Variants in AQR observed in about 807,000 individuals in gnomAD.
AQR encodes the protein RNA helicase aquarius.
AQR carries 61 observed loss-of-function variants against 180.5 expected under a neutral mutation model. The observed-to-expected ratio is 0.34, with a 90% CI of 0.28 to 0.42. The LOEUF (loss-of-function observed/expected upper bound fraction) is 0.42. Ranked by LOEUF, AQR falls within the 10% of genes least tolerant of loss-of-function variation. AQR has a pLI of 1.00. For synonymous variants in AQR, 551 were observed against 588.8 expected (o/e 0.94, Z 0.93); for missense variants, 1,281 against 1,798.3 (o/e 0.71, Z 5.20).
chr15:34,938,432 C>T (rs1429521948), intron 9 of AQR, among the ~76,000 whole-genome samples: 1 of 152,074 alleles, frequency 6.6e-6, no homozygotes, highest in Non-Finnish European at 1.5e-5. Flanking sequence ...ACTCGGGAGG[C>T]TGAGGCAGGA....
At chr15:34,934,791 T>C (rs1037682514) in intron 9 of AQR, among the ~76,000 whole-genome samples, 156 bp from the exon 10 acceptor site, 4 of 152,136 alleles carry the variant, frequency 2.6e-5, no homozygotes, top group Non-Finnish European at 5.9e-5. Flanking sequence ...CTCACATATA[T>C]ATTTTTTTAA....
intron 5 of AQR, among the ~76,000 whole-genome samples, chr15:34,946,491 G>GC (rs1176320833): frequency 7.6e-6 from 1 of 131,996 alleles, no homozygotes; most frequent in East Asian, 2.4e-4. Flanking sequence ...GGGGGGGTCA[G>GC]CCCCCCGCCC....
chr15:34,909,434 A>G (rs1158217060), intron 17 of AQR, among the ~76,000 whole-genome samples: 1 of 152,204 alleles, frequency 6.6e-6, no homozygotes, highest in Non-Finnish European at 1.5e-5. Flanking sequence ...TTGACATGGA[A>G]CTCTAATCCT....
chr15:34,950,292 G>A (rs1894206334), intron 4 of AQR, among the ~76,000 whole-genome samples: 4 of 151,848 alleles, frequency 2.6e-5, no homozygotes. Flanking sequence ...GTTTCACCAT[G>A]TTGGCCAGTA....
At position 34,886,607 on chromosome 15, in the gene AQR, G is replaced by C. The variant is rs1475545358; in HGVS notation, c.2736C>G (p.Val912=). ...CCCCTAGACTCTTTTGCAATCGTTT[G>C]ACTTCTTCTAAAAGTTCTATTCTTC... The part of the protein sequence containing the change: ...LARRIELLEE[V]KRLQKSLGVP... Residue 912 remains valine (V), a synonymous_variant, in exon 25 of 35, where the codon GTC becomes GTG. Coordinates refer to ENST00000156471, the MANE Select transcript of AQR (RefSeq NM_014691.3). 6.2e-7 allele frequency: 1 copy of C among 1,613,726 alleles called. No individual in the cohort carries two copies. The highest frequency in any genetic ancestry group is 1.3e-5 in the African/African-American group (1 of 74,880).
intron 2 of AQR, among the ~76,000 whole-genome samples, chr15:34,961,807 T>A (rs938340248): frequency 2.0e-5 from 3 of 151,888 alleles, no homozygotes; most frequent in Non-Finnish European, 4.4e-5. Context: ...ACAAAACAGA[T>A]CTAATAACAC....
At chr15:34,863,173 T>A in intron 32 of AQR, 132 bp from the exon 33 acceptor site, 3 of 764,206 alleles carry the variant, frequency 3.9e-6, no homozygotes, top group South Asian at 2.3e-5. Flanking sequence ...TCTTAAAAAC[T>A]TAATAGAAGT....
chr15:34,903,421 T>C (rs1298952504), intron 19 of AQR, among the ~76,000 whole-genome samples: 3 of 152,030 alleles, frequency 2.0e-5, no homozygotes, highest in Admixed American at 1.3e-4. Flanking sequence ...AGGGGAGGAA[T>C]AGACAAGAAA....
intron 15 of AQR, among the ~76,000 whole-genome samples, chr15:34,916,846 A>C (rs1048017544): frequency 1.3e-4 from 19 of 149,684 alleles, no homozygotes; most frequent in Non-Finnish European, 2.7e-4. Flanking sequence ...GACTACGGGA[A>C]CTCTATGATC....
chr15:34,941,961 C>A, intron 7 of AQR, 51 bp downstream of exon 7: 2 of 1,406,352 alleles, frequency 1.4e-6, no homozygotes, highest in Non-Finnish European at 2.0e-6. Context: ...TAAAACCACA[C>A]GTTCTACTTA....
intron 1 of AQR, among the ~76,000 whole-genome samples, chr15:34,966,869 C>CTT (rs148912380): frequency 3.2e-3 from 217 of 67,020 alleles, no homozygotes; most frequent in African/African-American, 5.6e-3. Flanking sequence ...CCACCCTGGC[C>CTT]TTTTTTTTTT....
intron 14 of AQR, among the ~76,000 whole-genome samples, chr15:34,919,414 G>A (rs1362982578): frequency 6.6e-6 from 1 of 151,970 alleles, no homozygotes; most frequent in Non-Finnish European, 1.5e-5. Flanking sequence ...TTGAATAGTA[G>A]AAGAATCCAA....
intron 27 of AQR, 111 bp downstream of exon 27, chr15:34,882,391 C>A: frequency 8.6e-7 from 1 of 1,163,036 alleles, no homozygotes; most frequent in Non-Finnish European, 1.1e-6. Flanking sequence ...TATTATCATC[C>A]ACTTATAAAA....
At chr15:34,946,139 C>T (rs1228183697) in intron 5 of AQR, among the ~76,000 whole-genome samples, 2 of 152,050 alleles carry the variant, frequency 1.3e-5, no homozygotes, top group African/African-American at 4.8e-5. Context: ...GGCATGGTGG[C>T]GGGCACCTGT....
At chr15:34,880,844 AAG>A (rs1276137526) in intron 27 of AQR, among the ~76,000 whole-genome samples, 1 of 152,182 alleles carries the variant, frequency 6.6e-6, no homozygotes, top group Admixed American at 6.5e-5. Flanking sequence ...CAAAATCTAA[AAG>A]AGTCGAAGGA....
chr15:34,870,661 A>T (rs890670433), intron 31 of AQR, 91 bp downstream of exon 31: 1 of 1,078,244 alleles, frequency 9.3e-7, no homozygotes, highest in Non-Finnish European at 1.3e-6. Context: ...TATCTTAAAA[A>T]GAGATAGCAA....
intron 31 of AQR, 93 bp from the exon 32 acceptor site, chr15:34,867,702 C>T: frequency 7.1e-6 from 6 of 843,564 alleles, no homozygotes; most frequent in Non-Finnish European, 1.2e-5. Context: ...AACATCTTAT[C>T]CTTAATCAAT....
chr15:34,964,513 TAAAC>T (rs1018152216), intron 1 of AQR: 22 of 635,214 alleles, frequency 3.5e-5, no homozygotes, highest in African/African-American at 1.3e-4. Flanking sequence ...CATTGTGATA[TAAAC>T]AAACAAACAA....
chr15:34,870,986 T>C (rs896345133), intron 30 of AQR, 64 bp from the exon 31 acceptor site: 3 of 1,524,314 alleles, frequency 2.0e-6, no homozygotes, highest in African/African-American at 1.4e-5. Context: ...ATAGAGAAAA[T>C]ATCTCATCTA....
Sources: gnomAD v4.1 joint callset for allele counts (sites outside exome capture counted in the v4.1 genomes callset) on GRCh38, gnomAD v4.1.1 for gene constraint, MANE v1.5 for transcripts, NCBI Gene and HGNC (gene_info 2026-07-23, HGNC 2026-07-21) for gene names.